The following ASCC3 variants were observed in gnomAD, a reference collection of about 807,000 sequenced individuals.
The protein encoded by ASCC3 is activating signal cointegrator 1 complex subunit 3.
In ASCC3, 158 loss-of-function variants were observed where a neutral mutation model predicts 256.3. That is an observed-to-expected ratio of 0.62 (90% confidence interval 0.54 to 0.70). ASCC3 has a LOEUF of 0.70. Among genes scored for constraint, ASCC3 ranks in the 30% least tolerant of loss-of-function variants. The pLI, the probability that ASCC3 is intolerant of heterozygous loss-of-function variation, is 0.00. For missense variants in ASCC3, 2,259 were observed against 2,626.0 expected (o/e 0.86, Z 3.05); for synonymous variants, 948 against 883.4 (o/e 1.07, Z -1.30).
chr6:100,875,755 C>G (rs1043330197), intron 1 of ASCC3, among the ~76,000 whole-genome samples: 1 of 152,124 alleles, frequency 6.6e-6, no homozygotes, highest in African/African-American at 2.4e-5. Flanking sequence ...CCACTGTACT[C>G]AGCCACTCTG....
intron 10 of ASCC3, among the ~76,000 whole-genome samples, chr6:100,732,627 AAC>A (rs1435794241): frequency 6.6e-6 from 1 of 152,152 alleles, no homozygotes; most frequent in African/African-American, 2.4e-5. Context: ...ACCTGTGACT[AAC>A]TCACTCATTC....
At chr6:100,824,508 C>T (rs1371291470) in intron 4 of ASCC3, among the ~76,000 whole-genome samples, 1 of 152,050 alleles carries the variant, frequency 6.6e-6, no homozygotes, top group African/African-American at 2.4e-5. Flanking sequence ...ATCCTTATCG[C>T]TTCTCAGCCT....
chr6:100,791,551 C>T (rs1418536525), intron 8 of ASCC3, among the ~76,000 whole-genome samples: 1 of 151,962 alleles, frequency 6.6e-6, no homozygotes, highest in Admixed American at 6.6e-5. Context: ...AAGATCAATG[C>T]CCACAGACTA....
intron 36 of ASCC3, among the ~76,000 whole-genome samples, chr6:100,567,693 TA>T (rs1562124450): frequency 6.6e-6 from 1 of 152,226 alleles, no homozygotes; most frequent in African/African-American, 2.4e-5. Context: ...TTGCTTAGGA[TA>T]ATACTGCATC....
At chr6:100,807,649 T>G (rs182638510) in intron 4 of ASCC3, among the ~76,000 whole-genome samples, 126 of 152,036 alleles carry the variant, frequency 8.3e-4, no homozygotes, top group Admixed American at 1.6e-3. Context: ...GATTGTATTC[T>G]TCACTGTCAT....
chr6:100,509,946 AG>A lies in ASCC3; in HGVS notation c.6446del (p.Pro2149LeufsTer14). 1.2e-6 allele frequency: 2 copies of A among 1,613,574 alleles called. No homozygotes were observed. Among genetic ancestry groups the A allele is most frequent in the Non-Finnish European group, 1.7e-6 (2 of 1,179,700 alleles). On this transcript the variant is annotated frameshift_variant, in exon 41 of 42. Transcript: ENST00000369162. LOFTEE classifies it high-confidence loss of function. ...ATTCTTCTTACCTTCCAGGTATTTC[AG>A]GGGTATAAAAAGAAAGGGAAGCAAC... ...HHVASLSFYTPEIPGRYIYTL... is the reference protein window; with the variant it reads ...HHVASLSFYTXEIPGRYIYTL...
intron 8 of ASCC3, among the ~76,000 whole-genome samples, chr6:100,794,758 A>G (rs1007420887): frequency 3.3e-5 from 5 of 152,032 alleles, no homozygotes; most frequent in African/African-American, 1.2e-4. Flanking sequence ...CATCTTTTAT[A>G]TTACTTTTCT....
chr6:100,807,154 G>A (rs563979347), intron 4 of ASCC3, among the ~76,000 whole-genome samples: 66 of 151,908 alleles, frequency 4.3e-4, no homozygotes, highest in African/African-American at 1.5e-3. Flanking sequence ...TAATAAAAAA[G>A]ATACCAAATT....
At chr6:100,591,594 G>A (rs1006399) in intron 34 of ASCC3, among the ~76,000 whole-genome samples, 52,234 of 151,812 alleles carry the variant, frequency 0.34, 10,613 homozygotes, top group Middle Eastern at 0.52. Flanking sequence ...TAAGTAGTAG[G>A]ATTTGTAGAG....
chr6:100,662,625 C>G, intron 14 of ASCC3, 89 bp from the exon 15 acceptor site: 1 of 1,256,800 alleles, frequency 8.0e-7, no homozygotes, highest in Non-Finnish European at 1.1e-6. Context: ...TCAAAGAAAT[C>G]AGAAAATTAT....
intron 36 of ASCC3, among the ~76,000 whole-genome samples, chr6:100,546,637 A>G (rs1775730198): frequency 6.6e-6 from 1 of 152,132 alleles, no homozygotes; most frequent in Non-Finnish European, 1.5e-5. Flanking sequence ...TCAATAAGAA[A>G]TTTACTTGTT....
chr6:100,760,532 A>G (rs1199940464), intron 10 of ASCC3, among the ~76,000 whole-genome samples: 1 of 152,190 alleles, frequency 6.6e-6, no homozygotes, highest in Non-Finnish European at 1.5e-5. Flanking sequence ...TGGTTCTGAC[A>G]AGACTTTTAA....
At chr6:100,697,136 A>T (rs1017638409) in intron 13 of ASCC3, among the ~76,000 whole-genome samples, 3 of 152,146 alleles carry the variant, frequency 2.0e-5, no homozygotes, top group Non-Finnish European at 4.4e-5. Context: ...GGCTACATGC[A>T]CATAAAGCAC....
chr6:100,619,821 T>C (rs939311521), intron 30 of ASCC3, among the ~76,000 whole-genome samples: 11 of 152,120 alleles, frequency 7.2e-5, no homozygotes, highest in African/African-American at 2.2e-4. Context: ...TATAATCTAG[T>C]CCACTGACTA....
At chr6:100,659,031 C>T (rs949680076) in intron 16 of ASCC3, among the ~76,000 whole-genome samples, 2 of 151,304 alleles carry the variant, frequency 1.3e-5, no homozygotes, top group Admixed American at 1.3e-4. Context: ...TAGTCAGTCT[C>T]ATTATGCATC....
At chr6:100,877,780 G>C (rs1005156075) in intron 1 of ASCC3, among the ~76,000 whole-genome samples, 1 of 152,158 alleles carries the variant, frequency 6.6e-6, no homozygotes, top group African/African-American at 2.4e-5. Flanking sequence ...GTGAATGGGG[G>C]ATGGGCAACA....
chr6:100,811,730 C>CAGAT (rs1554235678), intron 4 of ASCC3, among the ~76,000 whole-genome samples: 1 of 151,978 alleles, frequency 6.6e-6, no homozygotes, highest in Non-Finnish European at 1.5e-5. Flanking sequence ...CTATGAAAAA[C>CAGAT]ATCTAAGATT....
intron 8 of ASCC3, among the ~76,000 whole-genome samples, chr6:100,795,491 G>C (rs1402280115): frequency 6.6e-6 from 1 of 152,040 alleles, no homozygotes; most frequent in Non-Finnish European, 1.5e-5. Flanking sequence ...TTTACTTCTG[G>C]ACAATCCAGG....
intron 41 of ASCC3, 37 bp downstream of exon 41, chr6:100,509,895 A>G (rs764521988): frequency 6.2e-7 from 1 of 1,602,792 alleles, no homozygotes; most frequent in Non-Finnish European, 8.5e-7. Context: ...CTCAAAAAAA[A>G]AAAAAAAGAG....
Sources: gnomAD v4.1 joint callset for allele counts (sites outside exome capture counted in the v4.1 genomes callset) on GRCh38, gnomAD v4.1.1 for gene constraint, MANE v1.5 for transcripts, NCBI Gene and HGNC (gene_info 2026-07-23, HGNC 2026-07-21) for gene names.